Variants in DRAM1 observed in about 807,000 individuals in gnomAD.
DRAM1 encodes the protein DNA damage regulated autophagy modulator 1, also known as DNA damage-regulated autophagy modulator protein 1.
In DRAM1, 25 loss-of-function variants were observed where a neutral mutation model predicts 28.5. The observed-to-expected ratio is 0.88, with a 90% CI of 0.64 to 1.23. DRAM1 has a LOEUF of 1.23. Ranked by LOEUF, DRAM1 falls within the 50% of genes most tolerant of loss-of-function variation. The pLI is 0.00. For synonymous variants in DRAM1, 113 were observed against 114.2 expected (o/e 0.99, Z 0.07); for missense variants, 249 against 299.2 (o/e 0.83, Z 1.24).
rs369517798 is a variant in DRAM1, at chr12:101,897,868, C to T, written c.137C>T (p.Thr46Met). 2.9e-5 allele frequency: 46 copies of T among 1,608,702 alleles called. No homozygotes were observed. Among genetic ancestry groups the T allele is most frequent in the African/African-American group, 5.4e-5 (4 of 74,740 alleles). Residue 46 changes from threonine to methionine, a missense_variant, in exon 2 of 7, where the codon ACG becomes ATG. Coordinates refer to ENST00000258534, the MANE Select transcript of DRAM1 (RefSeq NM_018370.3). ...ACATTTCTTCCCTTTGCCAGTGATA[C>T]GGGAACAACACCTCCAGAGAGTGGT... The part of the protein sequence containing the change: ...VNPFLPYISD[T>M]GTTPPESGIF...
At chr12:101,898,507 A>G (rs1039295486) in intron 2 of DRAM1, among the ~76,000 whole-genome samples, 4 of 152,316 alleles carry the variant, frequency 2.6e-5, no homozygotes, top group Admixed American at 2.6e-4. Context: ...TTTTAAGTGC[A>G]ATTTAGTTTT....
At chr12:101,880,369 C>A (rs1162815358) in intron 1 of DRAM1, among the ~76,000 whole-genome samples, 1 of 147,556 alleles carries the variant, frequency 6.8e-6, no homozygotes, top group Admixed American at 6.9e-5. Context: ...CTCAGTGCAA[C>A]CTCCACCTCC....
At chr12:101,885,754 C>G (rs1215900828) in intron 1 of DRAM1, among the ~76,000 whole-genome samples, 4 of 152,030 alleles carry the variant, frequency 2.6e-5, no homozygotes, top group Non-Finnish European at 5.9e-5. Flanking sequence ...TCTCGAACTC[C>G]TGGCCTCAAG....
intron 1 of DRAM1, among the ~76,000 whole-genome samples, chr12:101,880,659 G>A (rs1254294976): frequency 1.3e-5 from 2 of 152,106 alleles, no homozygotes; most frequent in East Asian, 1.9e-4. Flanking sequence ...CAGATAATAC[G>A]TGATATTCAT....
At chr12:101,896,597 C>T (rs995069578) in intron 1 of DRAM1, among the ~76,000 whole-genome samples, 24 of 151,526 alleles carry the variant, frequency 1.6e-4, no homozygotes, top group African/African-American at 5.3e-4. Context: ...AACCCTGTCT[C>T]TAAAAAATAA....
chr12:101,907,573 T>C (rs1873869572), intron 3 of DRAM1, among the ~76,000 whole-genome samples: 1 of 151,936 alleles, frequency 6.6e-6, no homozygotes, highest in East Asian at 1.9e-4. Context: ...ACCCCGTCTC[T>C]ACTAAAAATA....
chr12:101,916,257 A>G (rs1160540520), intron 5 of DRAM1, among the ~76,000 whole-genome samples: 1 of 152,238 alleles, frequency 6.6e-6, no homozygotes, highest in Non-Finnish European at 1.5e-5. Flanking sequence ...TCATGCCTGT[A>G]ATCCCAGCAC....
intron 1 of DRAM1, among the ~76,000 whole-genome samples, chr12:101,878,624 A>G (rs1872580942): frequency 6.6e-6 from 1 of 152,120 alleles, no homozygotes; most frequent in African/African-American, 2.4e-5. Context: ...TTTGGCCTCT[A>G]CCTTCCTGAG....
At chr12:101,883,542 C>G (rs1037598873) in intron 1 of DRAM1, among the ~76,000 whole-genome samples, 45 of 151,552 alleles carry the variant, frequency 3.0e-4, no homozygotes, top group African/African-American at 1.1e-3. Flanking sequence ...TCTCGATCTC[C>G]TGACTTCATG....
At chr12:101,884,316 G>C (rs1252112287) in intron 1 of DRAM1, among the ~76,000 whole-genome samples, 2 of 136,752 alleles carry the variant, frequency 1.5e-5, no homozygotes, top group African/African-American at 5.6e-5. Flanking sequence ...TGAGCCTGCA[G>C]TCTGAGGCTG....
chr12:101,882,836 T>A (rs1232267881), intron 1 of DRAM1, among the ~76,000 whole-genome samples: 2 of 18,020 alleles, frequency 1.1e-4, no homozygotes, highest in Non-Finnish European at 1.7e-4. Context: ...TGCAACAGCC[T>A]TTTTTTTTTT....
chr12:101,877,831 C>G lies in DRAM1; in HGVS notation c.42C>G (p.Leu14=), dbSNP rs372467144. ...GGGGAATGGCTTTCGTCCCCTTCCT[C>G]TTGGTGACCTGGTCGTCAGCCGCCT... ...FLRGMAFVPF[L]LVTWSSAAFI... Residue 14 remains leucine (L), a synonymous_variant, in exon 1 of 7, where the codon CTC becomes CTG. Coordinates refer to ENST00000258534, the MANE Select transcript of DRAM1 (RefSeq NM_018370.3). This position sits in a 1 kb window ranked among gnomAD's most constrained non-coding sequence, Gnocchi z 4.1. The G allele has an allele frequency of 1.7e-5, 26 of 1,547,448 alleles. No individual in the cohort carries two copies. In the African/African-American group the frequency reaches 2.3e-4, roughly 14 times the overall value.
At chr12:101,909,501 G>A (rs1001559082) in intron 4 of DRAM1, among the ~76,000 whole-genome samples, 2 of 152,044 alleles carry the variant, frequency 1.3e-5, no homozygotes, top group African/African-American at 2.4e-5. Flanking sequence ...ATAGCCCCAC[G>A]AAGTCCCTCA....
chr12:101,895,186 G>GTTTTTTTTTTTTTTGTTTTTTTT (rs1873301395), intron 1 of DRAM1, among the ~76,000 whole-genome samples: 16 of 75,732 alleles, frequency 2.1e-4, no homozygotes, highest in Non-Finnish European at 3.0e-4. Flanking sequence ...AACCCTTCAG[G>GTTTTTTTTTTTTTTGTTTTTTTT]TTTTTTTTTT....
At chr12:101,903,361 T>A (rs1873672473) in intron 3 of DRAM1, among the ~76,000 whole-genome samples, 2 of 152,234 alleles carry the variant, frequency 1.3e-5, no homozygotes, top group African/African-American at 4.8e-5. Context: ...GTTTTCTTTT[T>A]GAAATTCTGT....
intron 3 of DRAM1, among the ~76,000 whole-genome samples, chr12:101,902,140 A>G (rs757807674): frequency 6.6e-6 from 1 of 152,204 alleles, no homozygotes; most frequent in African/African-American, 2.4e-5. Flanking sequence ...ACATTTCTTT[A>G]TATTTTTATG....
chr12:101,885,122 G>A (rs1175639861), intron 1 of DRAM1, among the ~76,000 whole-genome samples: 3 of 152,046 alleles, frequency 2.0e-5, no homozygotes, highest in Non-Finnish European at 2.9e-5. Flanking sequence ...TAGTAGACAC[G>A]GGGTTTCTCT....
At chr12:101,892,415 T>A (rs60859447) in intron 1 of DRAM1, among the ~76,000 whole-genome samples, 63,705 of 134,080 alleles carry the variant, frequency 0.48, 14,596 homozygotes, top group East Asian at 0.9. Context: ...TTTTTTTTTT[T>A]TTTTTTTTTT....
chr12:101,904,493 G>A (rs1473727250), intron 3 of DRAM1, among the ~76,000 whole-genome samples: 3 of 126,492 alleles, frequency 2.4e-5, no homozygotes, highest in African/African-American at 9.2e-5. Context: ...CCAGGCTGGA[G>A]TGCAGTGGCG....
Sources: gnomAD v4.1 joint callset for allele counts (sites outside exome capture counted in the v4.1 genomes callset) on GRCh38, gnomAD v4.1.1 for gene constraint, Gnocchi (gnomAD v3.1) non-coding constraint, MANE v1.5 for transcripts, NCBI Gene and HGNC (gene_info 2026-07-23, HGNC 2026-07-21) for gene names.